FOXP1: variants seen among roughly 807,000 people sequenced by gnomAD.
FOXP1 encodes the protein forkhead box P1.
In FOXP1, 15 loss-of-function variants were observed where a neutral mutation model predicts 98.2. That is an observed-to-expected ratio of 0.15 (90% CI 0.10 to 0.24). The LOEUF (loss-of-function observed/expected upper bound fraction) is 0.24, where lower values mean the gene tolerates loss of function less well. FOXP1 is among the 10% of genes least tolerant of loss of function. FOXP1 has a pLI of 1.00. For synonymous variants in FOXP1, 371 were observed against 314.5 expected (o/e 1.18, Z -1.90); for missense variants, 633 against 848.5 (o/e 0.75, Z 3.15).
chr3:71,276,997 C>T (rs977384755), intron 5 of FOXP1, among the ~76,000 whole-genome samples: 1 of 145,978 alleles, frequency 6.9e-6, no homozygotes, highest in Non-Finnish European at 1.5e-5. Flanking sequence ...CTCACTCTGT[C>T]GCCCAGGCTG....
rs142841632 is a variant in FOXP1, at chr3:71,448,047, C to A, written c.-168+45379G>T. On this transcript the variant is annotated intron_variant, in intron 3 of 20. Transcript: ENST00000649528. Reference sequence around the variant, plus strand: ...CAGATAGTGCCAGGCCTCATGGAACCCTTCACGGGTTGATGCCTCTAAACA... The same window carrying A: ...CAGATAGTGCCAGGCCTCATGGAACACTTCACGGGTTGATGCCTCTAAACA... Among the ~76,000 whole-genome samples the A allele has an allele frequency of 8.3e-3, 1,266 of 152,244 alleles. 16 individuals are homozygous for A. Among genetic ancestry groups the A allele is most frequent in the African/African-American group, 0.029 (1,213 of 41,540 alleles).
intron 17 of FOXP1, among the ~76,000 whole-genome samples, chr3:70,973,835 G>GCCCCCCCCCCCCCCCCCCCCCCCCCCCC (rs56950015): frequency 8.7e-4 from 32 of 36,698 alleles, no homozygotes; most frequent in Non-Finnish European, 1.2e-3. Flanking sequence ...TTTGCACACC[G>GCCCCCCCCCCCCCCCCCCCCCCCCCCCC]CCCCCCCCCC....
intron 17 of FOXP1, 143 bp downstream of exon 17, chr3:70,976,794 CCAAT>C (rs2037655872): frequency 6.1e-6 from 4 of 654,530 alleles, no homozygotes; most frequent in Middle Eastern, 4.9e-4. Context: ...CACTATTTTC[CCAAT>C]CAAATACACC....
At chr3:71,251,078 G>A (rs2068150928) in intron 5 of FOXP1, among the ~76,000 whole-genome samples, 3 of 152,144 alleles carry the variant, frequency 2.0e-5, no homozygotes, top group Non-Finnish European at 4.4e-5. Flanking sequence ...ATATAATTGA[G>A]TAACTTGAAA....
chr3:71,311,995 A>G (rs1237305566), intron 4 of FOXP1, among the ~76,000 whole-genome samples: 2 of 152,226 alleles, frequency 1.3e-5, no homozygotes, highest in East Asian at 3.9e-4. Context: ...ACACATTTAG[A>G]AAAGCCTACG....
chr3:71,084,386 A>G (rs915459313), intron 7 of FOXP1, among the ~76,000 whole-genome samples: 1 of 152,040 alleles, frequency 6.6e-6, no homozygotes, highest in Non-Finnish European at 1.5e-5. Flanking sequence ...AAACTCTACA[A>G]TGATTCACTG....
chr3:70,972,805 G>A lies in FOXP1; in HGVS notation c.1531-129C>T, dbSNP rs190109530. ...CAAGAGCTGTAGCTACCACCCCCGT[G>A]GAGGACCTTCTCATGGTTAAGGATG... On this transcript the variant is annotated intron_variant, in intron 17 of 20. Transcript: ENST00000649528. 142 of 857,256 alleles carry A rather than the reference G, an allele frequency of 1.7e-4. 1 individual carries two copies. In the East Asian group the frequency reaches 3.4e-3, roughly 21 times the overall value. 53.1% of individuals were successfully genotyped at this position (857,256 alleles called of 1,614,324 possible).
chr3:71,564,762 A>T (rs2046786659), intron 2 of FOXP1, among the ~76,000 whole-genome samples: 1 of 152,242 alleles, frequency 6.6e-6, no homozygotes, highest in South Asian at 2.1e-4. Flanking sequence ...GCAGACAATC[A>T]TTTTGGGGAA....
chr3:71,322,491 G>C lies in FOXP1; in HGVS notation c.-72-22611C>G, dbSNP rs570672682. On this transcript the variant is annotated intron_variant, in intron 4 of 20. Transcript: ENST00000649528. Reference sequence around the variant, plus strand: ...GGTACATTTTAACCTACTGTGATAGGTGACAAACTGGCAGCAGAAGAGGTT... The same window carrying C: ...GGTACATTTTAACCTACTGTGATAGCTGACAAACTGGCAGCAGAAGAGGTT... 2.6e-4 allele frequency among the ~76,000 whole-genome samples: 39 copies of C among 152,266 alleles called. No homozygotes were observed. The South Asian group carries it at 7.2e-3, about 28-fold the overall frequency.
At chr3:71,236,688 C>T (rs921772072) in intron 5 of FOXP1, among the ~76,000 whole-genome samples, 17 of 151,656 alleles carry the variant, frequency 1.1e-4, no homozygotes, top group Admixed American at 8.5e-4. Flanking sequence ...TGGGCAACAT[C>T]GGGAGACCTT....
chr3:71,411,514 G>T, intron 3 of FOXP1, among the ~76,000 whole-genome samples: 1 of 152,112 alleles, frequency 6.6e-6, no homozygotes, highest in Non-Finnish European at 1.5e-5. Context: ...AGTAGAGACA[G>T]GGTTTCACCG....
intron 6 of FOXP1, among the ~76,000 whole-genome samples, chr3:71,195,744 T>C (rs943503288): frequency 6.6e-6 from 1 of 152,240 alleles, no homozygotes; most frequent in Admixed American, 6.5e-5. Context: ...ACCGCAGTAA[T>C]GAATTCAGCA....
At chr3:71,370,030 C>T (rs928633354) in intron 3 of FOXP1, among the ~76,000 whole-genome samples, 11 of 152,094 alleles carry the variant, frequency 7.2e-5, no homozygotes, top group East Asian at 1.9e-4. Context: ...AATTAGAAGT[C>T]GGTGGGTGTT....
intron 6 of FOXP1, among the ~76,000 whole-genome samples, chr3:71,195,287 G>T (rs2063229739): frequency 6.6e-6 from 1 of 152,014 alleles, no homozygotes; most frequent in South Asian, 2.1e-4. Flanking sequence ...CTTTGTCAGG[G>T]CCCTCCCATT....
intron 20 of FOXP1, among the ~76,000 whole-genome samples, chr3:70,965,325 C>A (rs1007450282): frequency 6.6e-6 from 1 of 152,228 alleles, no homozygotes; most frequent in African/African-American, 2.4e-5. Context: ...TCACTTCATT[C>A]AGTTATATGT....
intron 4 of FOXP1, among the ~76,000 whole-genome samples, chr3:71,316,774 C>T (rs2075104965): frequency 6.6e-6 from 1 of 151,974 alleles, no homozygotes. Context: ...TCTCCTATCC[C>T]AGCCTCCTGA....
chr3:71,256,837 C>T (rs1168837372), intron 5 of FOXP1, among the ~76,000 whole-genome samples: 1 of 152,138 alleles, frequency 6.6e-6, no homozygotes, highest in Non-Finnish European at 1.5e-5. Context: ...GATGTGAGGA[C>T]AGAAACATGT....
At chr3:71,412,207 TC>T (rs547929906) in intron 3 of FOXP1, among the ~76,000 whole-genome samples, 56 of 151,042 alleles carry the variant, frequency 3.7e-4, no homozygotes, top group African/African-American at 1.3e-3. Context: ...CTAGACTTGC[TC>T]CTGGCACCTG....
chr3:71,041,308 T>A lies in FOXP1; in HGVS notation c.869+20A>T, dbSNP rs1163421753. 1.2e-6 allele frequency: 2 copies of A among 1,609,036 alleles called. No individual in the cohort carries two copies. Among genetic ancestry groups the A allele is most frequent in the South Asian group, 1.1e-5 (1 of 90,968 alleles). ...CATGTTAAAGGCAGTTTTGGACCCA[T>A]CTCAGTGGCTGGTTCCTACCTTTCC... On this transcript the variant is annotated intron_variant, in intron 11 of 20. Coordinates refer to ENST00000649528, the MANE Select transcript of FOXP1 (RefSeq NM_001349338.3).
Sources: gnomAD v4.1 joint callset for allele counts (sites outside exome capture counted in the v4.1 genomes callset) on GRCh38, gnomAD v4.1.1 for gene constraint, MANE v1.5 for transcripts, NCBI Gene and HGNC (gene_info 2026-07-23, HGNC 2026-07-21) for gene names.